The following PZP variants were observed in gnomAD, a reference collection of about 807,000 sequenced individuals.
PZP encodes pregnancy zone protein.
A neutral mutation model predicts 179.8 loss-of-function variants in PZP; 150 were observed. The ratio of observed to expected loss-of-function variants is 0.83; its 90% CI spans 0.73 to 0.96. The LOEUF is 0.96. Ranked by LOEUF, PZP falls within the 40% of genes least tolerant of loss-of-function variation. The probability of loss-of-function intolerance (pLI) is 0.00; values close to 1 mark genes in which losing one functional copy is unlikely to be tolerated. For synonymous variants in PZP, 624 were observed against 652.3 expected (o/e 0.96, Z 0.66); for missense variants, 1,689 against 1,764.0 (o/e 0.96, Z 0.76).
chr12:9,196,342 G>T lies in PZP; in HGVS notation c.1080C>A (p.Pro360=), dbSNP rs745626943. 1.2e-6 allele frequency: 2 copies of T among 1,608,622 alleles called. No homozygotes were observed. The highest frequency in any genetic ancestry group is 2.2e-5 in the South Asian group (2 of 90,926). The stretch of plus-strand genomic sequence containing the variant: ...CAACATATCTTACCTGTGCAAAAAA[G>T]GGGATTCCTTGTCTAAAGTGTGAAT... The part of the protein sequence containing the change: ...KVDSHFRQGI[P]FFAQVLLVDG... The change falls in exon 10 of 36, where the codon CCC becomes CCA. Residue 360 remains proline, a synonymous_variant. Transcript: ENST00000261336.
At chr12:9,194,007 C>T (rs1943602412) in intron 11 of PZP, 70 bp downstream of exon 11, 1 of 1,389,566 alleles carries the variant, frequency 7.2e-7, no homozygotes. Context: ...GCAATCTGTA[C>T]ATTTCTTCTG....
downstream of PZP, among the ~76,000 whole-genome samples, chr12:9,145,442 C>A (rs1276127809): frequency 6.6e-6 from 1 of 152,166 alleles, no homozygotes; most frequent in Non-Finnish European, 1.5e-5. Context: ...CATACAAAAA[C>A]TTTGCCCTTT....
rs1425470699 is a variant in PZP at position 9,180,775 on chromosome 12, G to T, written c.1839+208C>A. Among the ~76,000 whole-genome samples, 6 of 152,216 alleles carry T rather than the reference G, an allele frequency of 3.9e-5. 1 individual carries two copies. The highest frequency in any genetic ancestry group is 1.4e-4 in the African/African-American group (6 of 41,458). ...CATGTCCAAAACACCAAAAGCAATGGCAACAAAAGACAAAATTGACAAATG... is the reference window on the plus strand; with the variant it reads ...CATGTCCAAAACACCAAAAGCAATGTCAACAAAAGACAAAATTGACAAATG... On this transcript the variant is annotated intron_variant, in intron 15 of 35. Coordinates refer to ENST00000261336, the MANE Select transcript of PZP (RefSeq NM_002864.3).
chr12:9,144,181 G>C (rs1035788867), downstream of PZP, among the ~76,000 whole-genome samples: 7 of 151,260 alleles, frequency 4.6e-5, no homozygotes, highest in Admixed American at 2.6e-4. Flanking sequence ...GAGAGAGAGA[G>C]AGAGACAGAG....
intron 20 of PZP, 138 bp from the exon 21 acceptor site, chr12:9,163,927 T>G: frequency 7.9e-7 from 1 of 1,270,892 alleles, no homozygotes. Flanking sequence ...TAATGTATAC[T>G]AAGTAGCCAA....
Position 9,165,370 on chromosome 12 carries a change from G to T in PZP, c.2259-3C>A. The T allele has an allele frequency of 6.2e-7, 1 of 1,613,736 alleles. No homozygotes were observed. Among genetic ancestry groups the T allele is most frequent in the South Asian group, 1.1e-5 (1 of 91,066 alleles). On this transcript the variant is annotated splice_polypyrimidine_tract_variant and splice_region_variant and intron_variant, in intron 18 of 35. Coordinates refer to ENST00000261336, the MANE Select transcript of PZP (RefSeq NM_002864.3). ...CTACCTCAGCCACACCTGATGAGCT[G>T]GGGAGGAGGGCAAGTGAAGAACAGA... is the stretch of plus-strand genomic sequence containing the variant.
In PZP at chr12:9,203,754, A is replaced by G. The variant is rs766661399; in HGVS notation, c.267+14T>C. ...TATCAAGCAGGGATAGCCAGCTGGC[A>G]CCGTAGCACTCACAGTGAAGGAGAC... On this transcript the variant is annotated intron_variant, in intron 2 of 35. Transcript: ENST00000261336. 6.2e-6 allele frequency: 10 copies of G among 1,613,790 alleles called. No homozygotes were observed. The South Asian group carries it at 1.1e-4, about 18-fold the overall frequency.
At chr12:9,150,579 C>A in intron 34 of PZP, 65 bp downstream of exon 34, 3 of 1,070,664 alleles carry the variant, frequency 2.8e-6, no homozygotes, top group South Asian at 2.7e-5. Context: ...AGAAGAGGAT[C>A]AACTGTCACA....
chr12:9,146,195 A>C (rs764947566), downstream of PZP, among the ~76,000 whole-genome samples: 3 of 152,078 alleles, frequency 2.0e-5, no homozygotes, highest in South Asian at 6.2e-4. Flanking sequence ...TAAGTTCCTT[A>C]GGTTTTCTAC....
At position 9,200,927 on chromosome 12, in the gene PZP, C is replaced by T. The variant is rs376613987; in HGVS notation, c.635G>A (p.Gly212Glu). ...YRVVVQTESGGRIQHPFTVEE... is the reference protein window; with the variant it reads ...YRVVVQTESGERIQHPFTVEE... ...CACGGTGAAGGGGTGCTGTATCCTT[C>T]CACCTGATTCTGTCTGTACCACCAC... The change falls in exon 6 of 36, where the codon GGA (glycine) becomes GAA (glutamate). Residue 212 changes from glycine to glutamate, a missense_variant. Around this residue, in one of 3 missense-constraint regions of PZP, gnomAD observed 742 missense variants for 730.5 expected, o/e 1.02. Coordinates refer to ENST00000261336, the MANE Select transcript of PZP (RefSeq NM_002864.3). 5 of 1,613,868 alleles carry T rather than the reference C, an allele frequency of 3.1e-6. No individual in the cohort carries two copies. The African/African-American group carries it at 4.0e-5, about 13-fold the overall frequency.
intron 15 of PZP, among the ~76,000 whole-genome samples, chr12:9,179,865 A>G (rs1565646995): frequency 1.3e-5 from 2 of 152,248 alleles, no homozygotes; most frequent in Non-Finnish European, 2.9e-5. Context: ...CTTTACAGAA[A>G]TAGAAGCTGT....
intron 15 of PZP, among the ~76,000 whole-genome samples, chr12:9,180,053 G>A (rs1942652975): frequency 1.3e-5 from 2 of 152,144 alleles, no homozygotes; most frequent in Admixed American, 6.5e-5. Flanking sequence ...ATATGAGACA[G>A]CTTGAGAAAC....
chr12:9,207,416 C>G (rs557302106), intron 1 of PZP, among the ~76,000 whole-genome samples: 5 of 152,192 alleles, frequency 3.3e-5, no homozygotes, highest in Non-Finnish European at 7.3e-5. Context: ...CTTAAATGGC[C>G]TGGACTGCAA....
intron 13 of PZP, 136 bp downstream of exon 13, chr12:9,192,057 T>C (rs1943485494): frequency 1.4e-6 from 1 of 701,020 alleles, no homozygotes; most frequent in Non-Finnish European, 2.5e-6. Context: ...CAAAGAGTCA[T>C]AAGACGAGTA....
intron 15 of PZP, among the ~76,000 whole-genome samples, chr12:9,172,275 T>C (rs956893397): frequency 3.3e-5 from 5 of 152,312 alleles, no homozygotes; most frequent in African/African-American, 1.2e-4. Flanking sequence ...TAAGATTCTT[T>C]TCAAACAAGT....
In PZP at chr12:9,200,366, T is replaced by C. The variant is rs1944085535; in HGVS notation, c.753A>G (p.Gly251=). The part of the protein sequence containing the change: ...MDEKVNITVC[G]EYTYGKPVPG... ...TAGATAAAAACAATGTAACTCACTC[T>C]CCACAGACTGTTATGTTCACTTTTT... Residue 251 remains glycine, a splice_region_variant and synonymous_variant, in exon 7 of 36, where the codon GGA becomes GGG. Transcript: ENST00000261336. 1 of 1,594,792 alleles carries C rather than the reference T, an allele frequency of 6.3e-7. No individual in the cohort carries two copies. Among genetic ancestry groups the C allele is most frequent in the Non-Finnish European group, 8.6e-7 (1 of 1,164,726 alleles).
At chr12:9,187,537 C>T (rs911824610) in intron 13 of PZP, among the ~76,000 whole-genome samples, 1 of 152,132 alleles carries the variant, frequency 6.6e-6, no homozygotes. Context: ...TCACTCAAAA[C>T]CATACAATTA....
chr12:9,205,228 C>G lies in PZP; in HGVS notation c.84-1277G>C, dbSNP rs573370150. The stretch of plus-strand genomic sequence containing the variant: ...CAATTTTTTGTGTAAGCCTCACATT[C>G]TGGCCTTAGCTTTATTGATGAGTGT... On this transcript the variant is annotated intron_variant, in intron 1 of 35. Transcript: ENST00000261336. 1.2e-3 allele frequency among the ~76,000 whole-genome samples: 184 copies of G among 152,266 alleles called. No homozygotes were observed. In the Middle Eastern group the frequency reaches 0.014, roughly 11 times the overall value.
At position 9,169,560 on chromosome 12, in the gene PZP, G is replaced by A; in HGVS notation, c.1871C>T (p.Thr624Ile). ...VYNLLTVKDL[T>I]NFPDNVDQQE... ...CTGGTCCACATTGTCAGGAAAATTG[G>A]TGAGATCCTTCACAGTTAGCAGATT... Residue 624 changes from threonine to isoleucine, a missense_variant, in exon 16 of 36, where the codon ACC becomes ATC. Physicochemically the swap from Thr to Ile is moderately conservative, Grantham distance 89. Coordinates refer to ENST00000261336, the MANE Select transcript of PZP (RefSeq NM_002864.3). 6.2e-6 allele frequency: 10 copies of A among 1,612,828 alleles called. No individual in the cohort carries two copies. Among genetic ancestry groups the A allele is most frequent in the South Asian group, 1.1e-5 (1 of 90,830 alleles).
Sources: gnomAD v4.1 joint callset for allele counts (sites outside exome capture counted in the v4.1 genomes callset) on GRCh38, gnomAD v4.1.1 for gene constraint, gnomAD v4.1.1 regional missense constraint, MANE v1.5 for transcripts, NCBI Gene and HGNC (gene_info 2026-07-23, HGNC 2026-07-21) for gene names.